SCARA5: variants seen among roughly 807,000 people sequenced by gnomAD.
SCARA5 encodes the protein scavenger receptor class A, member 5 (putative).
A neutral mutation model predicts 46.3 loss-of-function variants in SCARA5; 45 were observed. The observed-to-expected ratio is 0.97, with a 90% CI of 0.76 to 1.24. The LOEUF (loss-of-function observed/expected upper bound fraction) is 1.24. SCARA5 is among the 50% of genes most tolerant of loss of function. SCARA5 has a pLI of 0.00. For synonymous variants in SCARA5, 333 were observed against 306.5 expected (o/e 1.09, Z -0.90); for missense variants, 680 against 689.0 (o/e 0.99, Z 0.15).
chr8:27,964,848 G>T (rs1200968696), intron 3 of SCARA5, among the ~76,000 whole-genome samples: 2 of 151,920 alleles, frequency 1.3e-5, no homozygotes, highest in Non-Finnish European at 2.9e-5. Context: ...TTCCTGTTCT[G>T]CAGAGCTTTT....
chr8:27,990,228 C>T (rs1278650586), intron 1 of SCARA5, among the ~76,000 whole-genome samples: 4 of 152,212 alleles, frequency 2.6e-5, no homozygotes, highest in African/African-American at 7.2e-5. Context: ...GGACTGGGGC[C>T]GAGCGGGGCC....
chr8:27,972,368 A>T (rs1808461863), intron 2 of SCARA5, among the ~76,000 whole-genome samples: 1 of 152,074 alleles, frequency 6.6e-6, no homozygotes. Flanking sequence ...AAACAAAAAA[A>T]GTAGACACTT....
chr8:27,887,523 G>A (rs149057068), intron 7 of SCARA5, among the ~76,000 whole-genome samples: 1 of 152,292 alleles, frequency 6.6e-6, no homozygotes, highest in Non-Finnish European at 1.5e-5. Flanking sequence ...CCAAGCTGAA[G>A]GGAAACACCA....
At chr8:27,953,077 C>T (rs750518042) in intron 3 of SCARA5, among the ~76,000 whole-genome samples, 2 of 152,202 alleles carry the variant, frequency 1.3e-5, no homozygotes, top group Admixed American at 1.3e-4. Context: ...TCCTACAGCC[C>T]AATCCAGACG....
intron 2 of SCARA5, among the ~76,000 whole-genome samples, chr8:27,967,617 A>C (rs570610690): frequency 1.3e-5 from 2 of 152,270 alleles, no homozygotes; most frequent in Non-Finnish European, 1.5e-5. Context: ...TCCCCACTTC[A>C]AGAGTGTCAC....
chr8:27,892,929 A>T (rs544058038), intron 7 of SCARA5, among the ~76,000 whole-genome samples: 2 of 152,280 alleles, frequency 1.3e-5, no homozygotes, highest in African/African-American at 4.8e-5. Context: ...TAAAGTGGAC[A>T]TCATGGTGGC....
At chr8:27,939,534 A>G (rs4472469) in intron 3 of SCARA5, among the ~76,000 whole-genome samples, 84,797 of 151,992 alleles carry the variant, frequency 0.56, 24,657 homozygotes, top group Middle Eastern at 0.72. Flanking sequence ...TAGCAATGTC[A>G]GGCCTGTAAG....
At chr8:27,963,597 TA>T (rs1357109895) in intron 3 of SCARA5, among the ~76,000 whole-genome samples, 2 of 152,122 alleles carry the variant, frequency 1.3e-5, no homozygotes, top group Admixed American at 1.3e-4. Flanking sequence ...ATCCAACTGA[TA>T]GAATAATTTG....
At chr8:27,975,612 T>C (rs1401971455) in intron 2 of SCARA5, among the ~76,000 whole-genome samples, 6 of 152,246 alleles carry the variant, frequency 3.9e-5, no homozygotes, top group Non-Finnish European at 7.3e-5. Flanking sequence ...GAATTGGCTG[T>C]TGATGGAGAG....
chr8:27,909,831 T>G, intron 4 of SCARA5, 88 bp from the exon 5 acceptor site: 1 of 815,810 alleles, frequency 1.2e-6, no homozygotes, highest in Non-Finnish European at 2.0e-6. Context: ...ACGCCCTCTC[T>G]GAGGAGAGGA....
chr8:27,883,650 C>T (rs1369426110), intron 7 of SCARA5, among the ~76,000 whole-genome samples: 1 of 152,156 alleles, frequency 6.6e-6, no homozygotes, highest in Non-Finnish European at 1.5e-5. Context: ...GGTCAATCAG[C>T]AAGGTTCCTT....
intron 8 of SCARA5, among the ~76,000 whole-genome samples, chr8:27,873,233 C>G (rs1439368477): frequency 6.6e-6 from 1 of 152,164 alleles, no homozygotes; most frequent in Non-Finnish European, 1.5e-5. Flanking sequence ...TAATCCCGCT[C>G]GAAGCAGCCC....
At chr8:27,924,254 G>A (rs1807646460) in intron 3 of SCARA5, among the ~76,000 whole-genome samples, 3 of 152,150 alleles carry the variant, frequency 2.0e-5, no homozygotes, top group Admixed American at 6.5e-5. Flanking sequence ...TGAAAATCTT[G>A]GAGGTAACTG....
intron 7 of SCARA5, among the ~76,000 whole-genome samples, chr8:27,879,979 T>A (rs1001660065): frequency 5.3e-5 from 8 of 152,102 alleles, no homozygotes; most frequent in Non-Finnish European, 8.8e-5. Flanking sequence ...CACAGCGCGG[T>A]GCTGGTACAA....
chr8:27,931,827 GTAT>G (rs1350652101), intron 3 of SCARA5, among the ~76,000 whole-genome samples: 2 of 151,950 alleles, frequency 1.3e-5, no homozygotes, highest in East Asian at 3.9e-4. Context: ...GCTAATTTTT[GTAT>G]TTTCAGTAGA....
intron 8 of SCARA5, among the ~76,000 whole-genome samples, chr8:27,874,986 C>G (rs1806699403): frequency 6.6e-6 from 1 of 152,182 alleles, no homozygotes; most frequent in Non-Finnish European, 1.5e-5. Flanking sequence ...TCTTGGCTTC[C>G]CCCATGCAAA....
chr8:27,950,265 G>T (rs112241822), intron 3 of SCARA5, among the ~76,000 whole-genome samples: 1 of 152,258 alleles, frequency 6.6e-6, no homozygotes, highest in South Asian at 2.1e-4. Flanking sequence ...GCACTTTGAC[G>T]CGAGCCAGAC....
At chr8:27,913,643 T>G (rs1807414143) in intron 4 of SCARA5, among the ~76,000 whole-genome samples, 2 of 152,190 alleles carry the variant, frequency 1.3e-5, no homozygotes, top group African/African-American at 2.4e-5. Flanking sequence ...GGCTCTGGCC[T>G]TTATAAGAAC....
intron 2 of SCARA5, among the ~76,000 whole-genome samples, chr8:27,982,746 T>C (rs1290081288): frequency 6.6e-6 from 1 of 152,046 alleles, no homozygotes; most frequent in Non-Finnish European, 1.5e-5. Context: ...CCTTGAAGGA[T>C]GCAGGGACAG....
Sources: gnomAD v4.1 joint callset for allele counts (sites outside exome capture counted in the v4.1 genomes callset) on GRCh38, gnomAD v4.1.1 for gene constraint, MANE v1.5 for transcripts, NCBI Gene and HGNC (gene_info 2026-07-23, HGNC 2026-07-21) for gene names.